The following CARMIL1 variants were observed in gnomAD, a reference collection of about 807,000 sequenced individuals.
CARMIL1 encodes F-actin-uncapping protein LRRC16A.
A neutral mutation model predicts 177.1 loss-of-function variants in CARMIL1; 90 were observed. The ratio of observed to expected loss-of-function variants is 0.51; its 90% CI spans 0.43 to 0.61. The LOEUF (loss-of-function observed/expected upper bound fraction) is 0.61. Among genes scored for constraint, CARMIL1 ranks in the 20% least tolerant of loss-of-function variants. CARMIL1 has a pLI of 0.00. For synonymous variants in CARMIL1, 577 were observed against 606.2 expected, an observed-to-expected ratio of 0.95 and a Z score of 0.71; for missense variants, 1,380 against 1,667.0, an observed-to-expected ratio of 0.83 and a Z score of 3.00.
At chr6:25,463,094 C>T (rs571238916) in intron 8 of CARMIL1, among the ~76,000 whole-genome samples, 1 of 152,010 alleles carries the variant, frequency 6.6e-6, no homozygotes, top group Non-Finnish European at 1.5e-5. Flanking sequence ...TTTATATCAT[C>T]CATGGAAGAT....
At chr6:25,483,529 C>T (rs1582105538) in intron 12 of CARMIL1, among the ~76,000 whole-genome samples, 1 of 151,964 alleles carries the variant, frequency 6.6e-6, no homozygotes. Context: ...ACCGGCACCA[C>T]CACCACCACC....
chr6:25,599,795 G>T (rs1815214588), intron 32 of CARMIL1, among the ~76,000 whole-genome samples: 1 of 152,168 alleles, frequency 6.6e-6, no homozygotes, highest in South Asian at 2.1e-4. Flanking sequence ...GTGGTGTGGG[G>T]TGCAGGTCTG....
At chr6:25,375,931 T>G (rs1484068719) in intron 2 of CARMIL1, among the ~76,000 whole-genome samples, 1 of 152,226 alleles carries the variant, frequency 6.6e-6, no homozygotes, top group Non-Finnish European at 1.5e-5. Flanking sequence ...TACCTCTGTC[T>G]TGTATTTCCT....
At chr6:25,612,556 T>G (rs1215282597) in intron 36 of CARMIL1, among the ~76,000 whole-genome samples, 1 of 152,212 alleles carries the variant, frequency 6.6e-6, no homozygotes, top group Non-Finnish European at 1.5e-5. Context: ...TTCCATAATG[T>G]TGGCTGTTGA....
Position 25,599,940 on chromosome 6 carries a change from T to C in CARMIL1, c.3120-374T>C, listed in dbSNP as rs1357211496. ...GAAGGGAGAAAATTGTACCACCACC[T>C]CTGTTTTATGCCTGGATTGTTTTAA... On this transcript the variant is annotated intron_variant, in intron 32 of 36. Coordinates refer to ENST00000329474, the MANE Select transcript of CARMIL1 (RefSeq NM_017640.6). Among the ~76,000 whole-genome samples, 3 of 152,058 alleles carry C rather than the reference T, an allele frequency of 2.0e-5. No homozygotes were observed. In the East Asian group the frequency reaches 5.8e-4, roughly 29 times the overall value.
chr6:25,340,187 T>TC (rs35184084), intron 2 of CARMIL1, among the ~76,000 whole-genome samples: 65,163 of 151,974 alleles, frequency 0.43, 14,193 homozygotes, highest in African/African-American at 0.51. Context: ...TCTGACCTTC[T>TC]CCCCAATTAA....
chr6:25,360,082 C>G (rs976234367), intron 2 of CARMIL1, among the ~76,000 whole-genome samples: 2 of 152,138 alleles, frequency 1.3e-5, no homozygotes, highest in African/African-American at 4.8e-5. Flanking sequence ...ATCATTCAGC[C>G]TCCCGGAGGG....
chr6:25,574,561 G>A (rs1157660667), intron 29 of CARMIL1, among the ~76,000 whole-genome samples: 2 of 152,162 alleles, frequency 1.3e-5, no homozygotes, highest in African/African-American at 4.8e-5. Context: ...GCTTCTCCCC[G>A]TTTCTCCTGA....
At chr6:25,564,228 C>T (rs1160741623) in intron 29 of CARMIL1, among the ~76,000 whole-genome samples, 3 of 152,174 alleles carry the variant, frequency 2.0e-5, no homozygotes, top group Non-Finnish European at 4.4e-5. Context: ...ATTAGCCACA[C>T]AGCAGCTCAT....
chr6:25,364,070 TA>T, intron 2 of CARMIL1, among the ~76,000 whole-genome samples: 1 of 152,002 alleles, frequency 6.6e-6, no homozygotes, highest in Non-Finnish European at 1.5e-5. Flanking sequence ...GCCTCCCATG[TA>T]GCTAGCTATG....
At chr6:25,359,228 G>A (rs1788944314) in intron 2 of CARMIL1, among the ~76,000 whole-genome samples, 1 of 152,194 alleles carries the variant, frequency 6.6e-6, no homozygotes, top group South Asian at 2.1e-4. Flanking sequence ...GAAGGACTTG[G>A]ACTCACTGAT....
intron 2 of CARMIL1, among the ~76,000 whole-genome samples, chr6:25,375,771 C>T (rs368283033): frequency 2.0e-5 from 3 of 152,116 alleles, no homozygotes; most frequent in Non-Finnish European, 4.4e-5. Flanking sequence ...TCTAGTCTAG[C>T]GTTAAAACTT....
At chr6:25,343,858 A>G (rs2744234) in intron 2 of CARMIL1, among the ~76,000 whole-genome samples, 130,938 of 151,872 alleles carry the variant, frequency 0.86, 56,570 homozygotes, top group African/African-American at 0.88. Flanking sequence ...TCTTTCCCGT[A>G]CACCATGGGT....
At chr6:25,601,876 G>A (rs1815443230) in intron 33 of CARMIL1, among the ~76,000 whole-genome samples, 2 of 152,162 alleles carry the variant, frequency 1.3e-5, no homozygotes, top group Non-Finnish European at 2.9e-5. Context: ...ACATACCTAT[G>A]TTTAAGTCAG....
Position 25,554,622 on chromosome 6 carries a change from G to A in CARMIL1, c.2592+526G>A, listed in dbSNP as rs1033719653. Reference sequence around the variant, plus strand: ...ATCTAGAGACTGGTTCTGCCTCAAGGTAGGGGATTTTACTTCCAATATCAG... The same window carrying A: ...ATCTAGAGACTGGTTCTGCCTCAAGATAGGGGATTTTACTTCCAATATCAG... On this transcript the variant is annotated intron_variant, in intron 28 of 36. Transcript: ENST00000329474. This position sits in a 1 kb window ranked among gnomAD's most constrained non-coding sequence, Gnocchi z 4.6. Among the ~76,000 whole-genome samples the A allele has an allele frequency of 3.9e-5, 6 of 152,072 alleles. No individual in the cohort carries two copies. Among genetic ancestry groups the A allele is most frequent in the Non-Finnish European group, 8.8e-5 (6 of 68,012 alleles).
chr6:25,583,654 C>A (rs1034581904), intron 31 of CARMIL1, among the ~76,000 whole-genome samples: 1 of 152,132 alleles, frequency 6.6e-6, no homozygotes, highest in Non-Finnish European at 1.5e-5. Context: ...TCATTTGAAT[C>A]CAAATAGCTT....
chr6:25,535,924 G>T (rs755903188), intron 24 of CARMIL1, among the ~76,000 whole-genome samples: 1 of 152,142 alleles, frequency 6.6e-6, no homozygotes, highest in East Asian at 1.9e-4. Flanking sequence ...TTGAATTGAA[G>T]AACTTAATTT....
At chr6:25,502,847 CTG>C (rs1804537546) in intron 17 of CARMIL1, among the ~76,000 whole-genome samples, 1 of 152,090 alleles carries the variant, frequency 6.6e-6, no homozygotes, top group Admixed American at 6.5e-5. Flanking sequence ...GTAATATTGA[CTG>C]TGATAATTAT....
chr6:25,436,671 TCCCTTC>T (rs1292947675), intron 5 of CARMIL1, among the ~76,000 whole-genome samples: 1 of 152,198 alleles, frequency 6.6e-6, no homozygotes, highest in Non-Finnish European at 1.5e-5. Context: ...CAGGGCTCTC[TCCCTTC>T]CCCCCATGGT....
Sources: allele counts gnomAD v4.1 joint callset (sites outside exome capture counted in the v4.1 genomes callset), GRCh38; gene constraint gnomAD v4.1.1; non-coding constraint Gnocchi (gnomAD v3.1); transcripts MANE v1.5; gene names NCBI Gene and HGNC (gene_info 2026-07-23, HGNC 2026-07-21).